TFAP2B: variants seen among roughly 807,000 people sequenced by gnomAD.
The protein encoded by TFAP2B is transcription factor AP-2 beta.
In TFAP2B, 9 loss-of-function variants were observed where a neutral mutation model predicts 44.3. The observed-to-expected ratio is 0.20, with a 90% CI of 0.12 to 0.35. TFAP2B has a LOEUF of 0.35. Among genes scored for constraint, TFAP2B ranks in the 10% least tolerant of loss-of-function variants. The pLI, the probability that TFAP2B is intolerant of heterozygous loss-of-function variation, is 1.00. For synonymous variants in TFAP2B, 270 were observed against 263.8 expected (o/e 1.02, Z -0.23); for missense variants, 509 against 600.0 (o/e 0.85, Z 1.59).
At chr6:50,841,755 TAAG>T (rs1762737998) in intron 6 of TFAP2B, among the ~76,000 whole-genome samples, 1 of 152,190 alleles carries the variant, frequency 6.6e-6, no homozygotes, top group African/African-American at 2.4e-5. Flanking sequence ...GTGTACCTCT[TAAG>T]AGCTTAAAAA....
At position 50,827,058 on chromosome 6, in the gene TFAP2B, AC is replaced by A. The variant is rs549427209; in HGVS notation, c.541-1560del. ...GACAAGAGCCTTCTCATTAACTACC[AC>A]AACTACCCCACGTCGCTGATGAGGC... On this transcript the variant is annotated intron_variant, in intron 2 of 6. Transcript: ENST00000393655. Among the ~76,000 whole-genome samples the A allele has an allele frequency of 2.6e-5, 4 of 152,294 alleles. No individual in the cohort carries two copies. The South Asian group carries it at 8.3e-4, about 32-fold the overall frequency.
At position 50,843,548 on chromosome 6, in the gene TFAP2B, CTT is replaced by C. The variant is rs943799795; in HGVS notation, c.*157_*158del. 7.1e-5 allele frequency: 60 copies of C among 850,764 alleles called. No individual in the cohort carries two copies. In the African/African-American group the frequency reaches 9.5e-4, roughly 13 times the overall value. The allele number at this position is 850,764 out of a possible 1,614,324, so 52.7% of individuals were successfully genotyped here. On this transcript the variant is annotated 3_prime_UTR_variant, in exon 7 of 7. Transcript: ENST00000393655. ...AATTTTAAAAAAAAAAGCTAAATAA[CTT>C]AAAAAAAAACTGAGGCGTACAACGG...
At chr6:50,838,965 G>C in intron 5 of TFAP2B, among the ~76,000 whole-genome samples, 1 of 152,232 alleles carries the variant, frequency 6.6e-6, no homozygotes, top group Non-Finnish European at 1.5e-5. Context: ...TTAGAAGATG[G>C]AATATTAAAA....
rs2113967787 is a variant in TFAP2B at position 50,847,007 on chromosome 6, G to A, written c.*3615G>A. 6.5e-6 allele frequency: 1 copy of A among 152,710 alleles called. No homozygotes were observed. The highest frequency in any genetic ancestry group is 1.5e-5 in the Non-Finnish European group (1 of 68,032). The allele number at this position is 152,710 out of a possible 1,614,324, so 9.5% of individuals were successfully genotyped here. A position where few individuals can be genotyped will look rare whatever the true frequency, so the allele number is the denominator to read the frequency against. On this transcript the variant is annotated 3_prime_UTR_variant, in exon 7 of 7. Transcript: ENST00000393655. ...GAAACCTCGAGCTTATCTACACACT[G>A]TTCCTCTGCTACAATGCTTTCCTAG...
At chr6:50,837,855 A>C in intron 4 of TFAP2B, 120 bp from the exon 5 acceptor site, 1 of 844,438 alleles carries the variant, frequency 1.2e-6, no homozygotes, top group Non-Finnish European at 2.1e-6. Flanking sequence ...GAAGGGGGAA[A>C]AATGTGCTAA....
intron 3 of TFAP2B, chr6:50,830,203 A>C (rs908457145): frequency 1.5e-6 from 1 of 649,562 alleles, no homozygotes; most frequent in South Asian, 6.8e-5. Flanking sequence ...GAAAGCTAGA[A>C]CCACTTAGCT....
chr6:50,829,100 T>A (rs964166776), intron 3 of TFAP2B, among the ~76,000 whole-genome samples: 6 of 152,256 alleles, frequency 3.9e-5, no homozygotes, highest in Non-Finnish European at 8.8e-5. Flanking sequence ...GTATTTGATT[T>A]TTTTGGTGAT....
chr6:50,826,943 C>A lies in TFAP2B; in HGVS notation c.541-1676C>A, dbSNP rs563368668. ...GCATGCAGTCCTAATTAAATCTTTA[C>A]GATCCTCCCTGTGACGATTAAGCGC... On this transcript the variant is annotated intron_variant, in intron 2 of 6. Transcript: ENST00000393655. 1.8e-4 allele frequency among the ~76,000 whole-genome samples: 28 copies of A among 152,344 alleles called. 1 individual carries two copies. The South Asian group carries it at 4.6e-3, about 25-fold the overall frequency.
At chr6:50,835,973 T>C (rs1655313068) in intron 3 of TFAP2B, 88 bp from the exon 4 acceptor site, 2 of 1,062,272 alleles carry the variant, frequency 1.9e-6, no homozygotes, top group Admixed American at 3.4e-5. Flanking sequence ...GTGTCTGTCC[T>C]GTGGCCTCAC....
At position 50,823,493 on chromosome 6, in the gene TFAP2B, G is replaced by A. The variant is rs1770413453; in HGVS notation, c.168G>A (p.Pro56=). ...AAGGACCCTACTCGAGCGCCCCGCC[G>A]CTGTCCCACACCCCGTCGTCGGACT... ...VSQGPYSSAP[P]LSHTPSSDFQ... Residue 56 remains proline, a synonymous_variant, in exon 2 of 7, where the codon CCG becomes CCA. Coordinates refer to ENST00000393655, the MANE Select transcript of TFAP2B (RefSeq NM_003221.4). 6.2e-7 allele frequency: 1 copy of A among 1,612,972 alleles called. No homozygotes were observed. Among genetic ancestry groups the A allele is most frequent in the Non-Finnish European group, 8.5e-7 (1 of 1,179,670 alleles).
rs994855890 is a variant in TFAP2B, at chr6:50,844,839, T to A, written c.*1447T>A. On this transcript the variant is annotated 3_prime_UTR_variant, in exon 7 of 7. Transcript: ENST00000393655. ...GCACCCACATTTCTGTAACAATTGC[T>A]TTCTTACAAGATGCTTTATGAATGA... 1 of 152,224 alleles carries A rather than the reference T, an allele frequency of 6.6e-6. No individual in the cohort carries two copies. Among genetic ancestry groups the A allele is most frequent in the Non-Finnish European group, 1.5e-5 (1 of 68,048 alleles). The allele number at this position is 152,224 out of a possible 1,614,324, so 9.4% of individuals were successfully genotyped here. A position where few individuals can be genotyped will look rare whatever the true frequency, so the allele number is the denominator to read the frequency against.
rs561751989 is a variant in TFAP2B, at chr6:50,842,389, A to C, written c.1083-703A>C. Among the ~76,000 whole-genome samples, 5 of 152,372 alleles carry C rather than the reference A, an allele frequency of 3.3e-5. No homozygotes were observed. In the South Asian group the frequency reaches 1.0e-3, roughly 32 times the overall value. On this transcript the variant is annotated intron_variant, in intron 6 of 6. Transcript: ENST00000393655. ...AAAAATCTATCCTCCCTAGTGTCTTAACAGCCTACCTTTAGGTTTTATTTA... is the reference window on the plus strand; with the variant it reads ...AAAAATCTATCCTCCCTAGTGTCTTCACAGCCTACCTTTAGGTTTTATTTA...
chr6:50,843,431 A>G lies in TFAP2B; in HGVS notation c.*39A>G. 1 of 1,584,890 alleles carries G rather than the reference A, an allele frequency of 6.3e-7. No homozygotes were observed. Among genetic ancestry groups the G allele is most frequent in the Non-Finnish European group, 8.6e-7 (1 of 1,164,442 alleles). On this transcript the variant is annotated 3_prime_UTR_variant, in exon 7 of 7. Transcript: ENST00000393655. Reference sequence around the variant, plus strand: ...AAAGAAGGAAAAATGTTTTAAATACAAAAGGAAAAACAGACAAAAATTTAA... The same window carrying G: ...AAAGAAGGAAAAATGTTTTAAATACGAAAGGAAAAACAGACAAAAATTTAA...
At chr6:50,832,870 A>G (rs1296942270) in intron 3 of TFAP2B, among the ~76,000 whole-genome samples, 1 of 152,228 alleles carries the variant, frequency 6.6e-6, no homozygotes, top group Non-Finnish European at 1.5e-5. Flanking sequence ...TCTTTTAAAT[A>G]AAACTCCAGC....
Position 50,843,432 on chromosome 6 carries a change from A to G in TFAP2B, c.*40A>G, listed in dbSNP as rs1412519102. 1 of 1,584,816 alleles carries G rather than the reference A, an allele frequency of 6.3e-7. No individual in the cohort carries two copies. Among genetic ancestry groups the G allele is most frequent in the African/African-American group, 1.4e-5 (1 of 73,162 alleles). ...AAGAAGGAAAAATGTTTTAAATACA[A>G]AAGGAAAAACAGACAAAAATTTAAT... On this transcript the variant is annotated 3_prime_UTR_variant, in exon 7 of 7. Coordinates refer to ENST00000393655, the MANE Select transcript of TFAP2B (RefSeq NM_003221.4).
intron 5 of TFAP2B, 77 bp from the exon 6 acceptor site, chr6:50,840,079 C>T (rs574822217): frequency 2.5e-6 from 4 of 1,585,468 alleles, no homozygotes; most frequent in East Asian, 4.5e-5. Flanking sequence ...ACTAACAAAG[C>T]TGACAAGGGA....
intron 6 of TFAP2B, 22 bp downstream of exon 6, chr6:50,840,319 C>T (rs765366479): frequency 1.2e-6 from 2 of 1,612,316 alleles, no homozygotes; most frequent in East Asian, 2.2e-5. Context: ...AGACTCTGGG[C>T]CCTCATCTCA....
At position 50,823,685 on chromosome 6, in the gene TFAP2B, T is replaced by C. The variant is rs886061564; in HGVS notation, c.360T>C (p.Ser120=). 2 of 1,613,724 alleles carry C rather than the reference T, an allele frequency of 1.2e-6. No individual in the cohort carries two copies. The highest frequency in any genetic ancestry group is 1.7e-6 in the Non-Finnish European group (2 of 1,179,862). Residue 120 remains serine, a synonymous_variant, in exon 2 of 7, where the codon TCT becomes TCC. Transcript: ENST00000393655. The part of the protein sequence containing the change: ...QRQEVGSEAG[S]LLPQPRAALP... ...AAGAAGTGGGTTCGGAAGCCGGCTC[T>C]CTCCTGCCCCAGCCTCGGGCCGCCT...
chr6:50,836,272 C>T lies in TFAP2B; in HGVS notation c.813C>T (p.Val271=). 6.2e-7 allele frequency: 1 copy of T among 1,611,508 alleles called. No homozygotes were observed. The highest frequency in any genetic ancestry group is 8.5e-7 in the Non-Finnish European group (1 of 1,179,336). ...TCAATGCATCTCTCCTCGGCGGAGT[C>T]CTCAGAAGGTAACCCCACCACGAAA... ...ECLNASLLGG[V]LRRAKSKNGG... Residue 271 remains valine (V), a synonymous_variant, in exon 4 of 7, where the codon GTC becomes GTT. Transcript: ENST00000393655.
Sources: allele counts gnomAD v4.1 joint callset (sites outside exome capture counted in the v4.1 genomes callset), GRCh38; gene constraint gnomAD v4.1.1; transcripts MANE v1.5; gene names NCBI Gene and HGNC (gene_info 2026-07-23, HGNC 2026-07-21).